COL4A2: variants seen among roughly 807,000 people sequenced by gnomAD.
COL4A2 encodes the protein collagen alpha-2(IV) chain.
In COL4A2, 99 loss-of-function variants were observed where a neutral mutation model predicts 200.2. That is an observed-to-expected ratio of 0.49 (90% CI 0.42 to 0.58). The LOEUF is 0.58. COL4A2 is among the 20% of genes least tolerant of loss of function. The pLI is 0.00. For synonymous variants in COL4A2, 897 were observed against 900.6 expected (o/e 1.00, Z 0.07); for missense variants, 1,950 against 2,314.1 (o/e 0.84, Z 3.23).
At chr13:110,434,317 G>C in intron 11 of COL4A2, 84 bp from the exon 12 acceptor site, 3 of 1,335,656 alleles carry the variant, frequency 2.2e-6, no homozygotes, top group Non-Finnish European at 3.2e-6. Context: ...AATAGGCCTT[G>C]GGTTTCTTTT....
At chr13:110,487,239 G>A (rs960551851) in intron 34 of COL4A2, among the ~76,000 whole-genome samples, 7 of 152,240 alleles carry the variant, frequency 4.6e-5, no homozygotes, top group Non-Finnish European at 7.3e-5. Flanking sequence ...ATCACTTGTG[G>A]TCAGGAGATC....
At chr13:110,327,934 A>C (rs1875701009) in intron 3 of COL4A2, among the ~76,000 whole-genome samples, 1 of 152,226 alleles carries the variant, frequency 6.6e-6, no homozygotes, top group African/African-American at 2.4e-5. Flanking sequence ...AGTCTAAATA[A>C]GTTTTTATCA....
At chr13:110,486,928 C>G (rs1230052159) in intron 34 of COL4A2, among the ~76,000 whole-genome samples, 1 of 152,158 alleles carries the variant, frequency 6.6e-6, no homozygotes, top group Admixed American at 6.5e-5. Context: ...AAGGCAGAAA[C>G]CGGCCATCTG....
chr13:110,393,498 T>A (rs1879068451), intron 4 of COL4A2, among the ~76,000 whole-genome samples: 1 of 152,152 alleles, frequency 6.6e-6, no homozygotes, highest in Non-Finnish European at 1.5e-5. Flanking sequence ...GTGAGGATTT[T>A]ATTATTGGAT....
At chr13:110,420,513 A>C (rs953069519) in intron 4 of COL4A2, among the ~76,000 whole-genome samples, 1 of 152,170 alleles carries the variant, frequency 6.6e-6, no homozygotes, top group Admixed American at 6.5e-5. Context: ...AGGATGTTGG[A>C]GGAATATTAG....
chr13:110,430,890 T>G, intron 10 of COL4A2: 1 of 626,422 alleles, frequency 1.6e-6, no homozygotes, highest in Admixed American at 1.9e-5. Context: ...ACCCCATACC[T>G]ACCCAGTGAC....
At chr13:110,394,809 G>A (rs1879129485) in intron 4 of COL4A2, among the ~76,000 whole-genome samples, 1 of 152,104 alleles carries the variant, frequency 6.6e-6, no homozygotes, top group African/African-American at 2.4e-5. Context: ...CAGAGTTCTG[G>A]CCCATCTGGT....
At chr13:110,320,069 C>T (rs558173990) in intron 3 of COL4A2, among the ~76,000 whole-genome samples, 1 of 152,248 alleles carries the variant, frequency 6.6e-6, no homozygotes, top group Non-Finnish European at 1.5e-5. Context: ...TAAGGCACAC[C>T]GCACAGTGAG....
Position 110,447,911 on chromosome 13 carries a change from G to A in COL4A2, c.1078+1047G>A, listed in dbSNP as rs576909082. On this transcript the variant is annotated intron_variant, in intron 18 of 47. Transcript: ENST00000360467. ...CTCCCTGCTTCGAAGCGAGCCCTCT[G>A]TCAGTTTAATAATGGCTTTGCATGT... Among the ~76,000 whole-genome samples, 18 of 152,306 alleles carry A rather than the reference G, an allele frequency of 1.2e-4. No homozygotes were observed. The Middle Eastern group carries it at 0.017, about 144-fold the overall frequency.
chr13:110,358,261 G>T (rs1296876549), intron 4 of COL4A2, among the ~76,000 whole-genome samples: 1 of 151,826 alleles, frequency 6.6e-6, no homozygotes, highest in African/African-American at 2.4e-5. Context: ...AGACATGGGA[G>T]CCTGGGCCTA....
At chr13:110,325,495 G>T (rs114949356) in intron 3 of COL4A2, among the ~76,000 whole-genome samples, 6,791 of 152,304 alleles carry the variant, frequency 0.045, 170 homozygotes, top group Admixed American at 0.055. Context: ...CAAAGGTTAA[G>T]TAACCAGATA....
intron 16 of COL4A2, among the ~76,000 whole-genome samples, chr13:110,441,358 G>T (rs1881117381): frequency 6.6e-6 from 1 of 152,214 alleles, no homozygotes; most frequent in African/African-American, 2.4e-5. Context: ...CTAGACACGG[G>T]CCGTCTTGAC....
At chr13:110,339,052 C>T (rs1006389080) in intron 3 of COL4A2, among the ~76,000 whole-genome samples, 5 of 152,186 alleles carry the variant, frequency 3.3e-5, no homozygotes, top group African/African-American at 1.2e-4. Flanking sequence ...ACGGACCTTC[C>T]CTAACATCAT....
intron 7 of COL4A2, among the ~76,000 whole-genome samples, 171 bp from the exon 8 acceptor site, chr13:110,429,714 C>T (rs1880602229): frequency 6.6e-6 from 1 of 152,106 alleles, no homozygotes; most frequent in South Asian, 2.1e-4. Context: ...AAGGTCTTAC[C>T]CTTGTTGCTG....
chr13:110,485,109 G>GA (rs1594102200), intron 33 of COL4A2, 82 bp downstream of exon 33: 1 of 1,281,944 alleles, frequency 7.8e-7, no homozygotes, highest in East Asian at 2.6e-5. Flanking sequence ...TCCGTCCCCA[G>GA]AGACGCCCGT....
intron 4 of COL4A2, among the ~76,000 whole-genome samples, chr13:110,359,849 T>A (rs1223181106): frequency 6.6e-6 from 1 of 152,204 alleles, no homozygotes; most frequent in Non-Finnish European, 1.5e-5. Flanking sequence ...GCCCCTTTGA[T>A]CAAAGCTCCC....
At chr13:110,363,246 G>A (rs1877592971) in intron 4 of COL4A2, among the ~76,000 whole-genome samples, 1 of 152,182 alleles carries the variant, frequency 6.6e-6, no homozygotes, top group Non-Finnish European at 1.5e-5. Context: ...CTGAGAGCCT[G>A]GAGACTATGC....
At chr13:110,461,015 G>A (rs141607587) in intron 22 of COL4A2, among the ~76,000 whole-genome samples, 5 of 152,266 alleles carry the variant, frequency 3.3e-5, no homozygotes, top group African/African-American at 4.8e-5. Context: ...TGGAAATAGC[G>A]TCAACCAAGA....
chr13:110,351,301 C>T (rs1876950940), intron 3 of COL4A2, among the ~76,000 whole-genome samples: 1 of 152,116 alleles, frequency 6.6e-6, no homozygotes, highest in Non-Finnish European at 1.5e-5. Flanking sequence ...TCTTGAACCC[C>T]TGAGCTCAAG....
Sources: allele counts gnomAD v4.1 joint callset (sites outside exome capture counted in the v4.1 genomes callset), GRCh38; gene constraint gnomAD v4.1.1; transcripts MANE v1.5; gene names NCBI Gene and HGNC (gene_info 2026-07-23, HGNC 2026-07-21).